The following CAPRIN1 variants were observed in gnomAD, a reference collection of about 807,000 sequenced individuals.
The protein encoded by CAPRIN1 is cell cycle associated protein 1, also known as caprin-1.
A neutral mutation model predicts 100.9 loss-of-function variants in CAPRIN1; 29 were observed. The ratio of observed to expected loss-of-function variants is 0.29; its 90% CI spans 0.21 to 0.39. The LOEUF is 0.39. Ranked by LOEUF, CAPRIN1 falls within the 10% of genes least tolerant of loss-of-function variation. The pLI, the probability that CAPRIN1 is intolerant of heterozygous loss-of-function variation, is 1.00. For missense variants in CAPRIN1, 795 were observed against 876.7 expected, an observed-to-expected ratio of 0.91 and a Z score of 1.18; for synonymous variants, 338 against 307.5, an observed-to-expected ratio of 1.10 and a Z score of -1.04.
At chr11:34,090,784 TTTCA>T in intron 14 of CAPRIN1, 106 bp downstream of exon 14, 1 of 886,182 alleles carries the variant, frequency 1.1e-6, no homozygotes, top group Non-Finnish European at 1.8e-6. Flanking sequence ...AGTCTGCATC[TTTCA>T]TTAACTGTAG....
In CAPRIN1 at chr11:34,071,912, T is replaced by A; in HGVS notation, c.291T>A (p.Ser97=). The A allele has an allele frequency of 1.2e-6, 2 of 1,612,906 alleles. No individual in the cohort carries two copies. Among genetic ancestry groups the A allele is most frequent in the Admixed American group, 3.3e-5 (2 of 59,942 alleles). ...CTTTGTCATTTTAGGATGCCGTTTC[T>A]AAGTACCAGGAAGTCACAAATAATT... ...RLNQDQLDAV[S]KYQEVTNNLE... is the part of the protein sequence containing the mutation. The change falls in exon 4 of 19, where the codon TCT becomes TCA. Residue 97 remains serine, a synonymous_variant. Transcript: ENST00000341394.
At chr11:34,069,398 T>C (rs1241276796) in intron 2 of CAPRIN1, among the ~76,000 whole-genome samples, 1 of 152,112 alleles carries the variant, frequency 6.6e-6, no homozygotes, top group South Asian at 2.1e-4. Context: ...TCTGCCGACG[T>C]TGGCCTCCCA....
chr11:34,097,110 C>G (rs1411916016), intron 16 of CAPRIN1, 86 bp from the exon 17 acceptor site: 4 of 891,236 alleles, frequency 4.5e-6, no homozygotes, highest in Non-Finnish European at 7.4e-6. Flanking sequence ...CTTATAATTT[C>G]TAGTTCTTCC....
chr11:34,076,367 T>C lies in CAPRIN1; in HGVS notation c.498T>C (p.Thr166=). Residue 166 remains threonine (T), a synonymous_variant, in exon 5 of 19, where the codon ACT becomes ACC. Coordinates refer to ENST00000341394, the MANE Select transcript of CAPRIN1 (RefSeq NM_005898.5). ...LDKLGDDEVR[T]DLKQGLNGVP... is the part of the protein sequence containing the mutation. Reference sequence around the variant, plus strand: ...AATTGGGAGATGATGAAGTGCGGACTGACCTGAAACAAGGTTTGAATGGAG... The same window carrying C: ...AATTGGGAGATGATGAAGTGCGGACCGACCTGAAACAAGGTTTGAATGGAG... 1.9e-6 allele frequency: 3 copies of C among 1,614,228 alleles called. 1 individual carries two copies. Among genetic ancestry groups the C allele is most frequent in the South Asian group, 2.2e-5 (2 of 91,092 alleles).
chr11:34,054,471 A>G (rs1158366186), intron 2 of CAPRIN1, among the ~76,000 whole-genome samples: 1 of 151,606 alleles, frequency 6.6e-6, no homozygotes, highest in African/African-American at 2.4e-5. Flanking sequence ...CTTTTTGCCC[A>G]GGCTGGAGTA....
intron 18 of CAPRIN1, 48 bp downstream of exon 18, chr11:34,097,809 C>G (rs1317031130): frequency 9.3e-6 from 15 of 1,613,638 alleles, no homozygotes; most frequent in Non-Finnish European, 1.3e-5. Flanking sequence ...AGCTTCTGTT[C>G]TGGCCTTGGA....
At chr11:34,094,326 G>C (rs1010428511) in intron 15 of CAPRIN1, among the ~76,000 whole-genome samples, 6 of 152,160 alleles carry the variant, frequency 3.9e-5, no homozygotes, top group African/African-American at 1.4e-4. Flanking sequence ...AAAGTGCTGG[G>C]ATTACAGGCG....
At chr11:34,070,793 C>CT (rs747425563) in intron 2 of CAPRIN1, among the ~76,000 whole-genome samples, 21 of 152,032 alleles carry the variant, frequency 1.4e-4, no homozygotes, top group Non-Finnish European at 2.8e-4. Context: ...GCCTCTGCCT[C>CT]TTGGGTTCAA....
intron 2 of CAPRIN1, 26 bp downstream of exon 2, chr11:34,052,662 G>C: frequency 2.5e-6 from 4 of 1,582,222 alleles, no homozygotes; most frequent in Non-Finnish European, 3.4e-6. Context: ...GGGGAAGGGA[G>C]GGGTGGCTGC....
At chr11:34,068,964 T>C (rs1017742304) in intron 2 of CAPRIN1, among the ~76,000 whole-genome samples, 7 of 152,160 alleles carry the variant, frequency 4.6e-5, no homozygotes, top group Non-Finnish European at 8.8e-5. Context: ...AAAATGAAGA[T>C]AGTAAATACC....
chr11:34,062,173 T>C (rs1391196583), intron 2 of CAPRIN1, among the ~76,000 whole-genome samples: 1 of 152,110 alleles, frequency 6.6e-6, no homozygotes, highest in African/African-American at 2.4e-5. Flanking sequence ...TTTTGTCTTC[T>C]GGGGATTTCA....
intron 15 of CAPRIN1, 114 bp downstream of exon 15, chr11:34,092,170 C>T (rs2982592): frequency 1 from 939,118 of 940,606 alleles, 468,835 homozygotes; most frequent in East Asian, 1. Flanking sequence ...GTTTTAGTAG[C>T]AGACCATATG....
intron 18 of CAPRIN1, chr11:34,098,579 G>A: frequency 1.1e-5 from 11 of 985,220 alleles, no homozygotes; most frequent in Non-Finnish European, 1.3e-5. Flanking sequence ...AACGTACTTT[G>A]ATTTGAATAC....
chr11:34,084,034 A>G (rs999691758), intron 9 of CAPRIN1, among the ~76,000 whole-genome samples: 1 of 152,168 alleles, frequency 6.6e-6, no homozygotes, highest in Non-Finnish European at 1.5e-5. Context: ...GTGCCACTGC[A>G]TTCCAACCTG....
chr11:34,094,642 C>G (rs2134136448), intron 15 of CAPRIN1, among the ~76,000 whole-genome samples: 1 of 152,000 alleles, frequency 6.6e-6, no homozygotes, highest in East Asian at 2.0e-4. Context: ...AAAATAAATA[C>G]AGAAATTAGC....
chr11:34,089,537 T>G, intron 12 of CAPRIN1, 81 bp downstream of exon 12: 2 of 770,944 alleles, frequency 2.6e-6, no homozygotes, highest in Admixed American at 2.2e-5. Flanking sequence ...GAGGCTGAGA[T>G]GGGAGGATCA....
At position 34,097,278 on chromosome 11, in the gene CAPRIN1, T is replaced by C. The variant is rs752747240; in HGVS notation, c.1983T>C (p.Asp661=). 1 of 1,612,020 alleles carries C rather than the reference T, an allele frequency of 6.2e-7. No homozygotes were observed. The highest frequency in any genetic ancestry group is 1.7e-5 in the Admixed American group (1 of 60,012). ...YTQSQFSAPR[D]YSGYQRDGYQ... ...AGTCTCAGTTCAGTGCTCCCCGGGA[T>C]TACTCTGGCTATCAACGGGTAGGTA... Residue 661 remains aspartate, a synonymous_variant, in exon 17 of 19, where the codon GAT becomes GAC. Transcript: ENST00000341394.
At chr11:34,053,145 C>T (rs901401387) in intron 2 of CAPRIN1, 2 of 988,346 alleles carry the variant, frequency 2.0e-6, no homozygotes, top group East Asian at 1.1e-4. Context: ...TCGAGCGTCC[C>T]CTCTTCTTCC....
chr11:34,066,953 A>G (rs1443615922), intron 2 of CAPRIN1, among the ~76,000 whole-genome samples: 1 of 140,876 alleles, frequency 7.1e-6, no homozygotes. Context: ...TTTTTTTAAG[A>G]CAGTCTTACT....
Sources: allele counts gnomAD v4.1 joint callset (sites outside exome capture counted in the v4.1 genomes callset), GRCh38; gene constraint gnomAD v4.1.1; transcripts MANE v1.5; gene names NCBI Gene and HGNC (gene_info 2026-07-23, HGNC 2026-07-21).